Variants in HHIP observed in about 807,000 individuals in gnomAD.
HHIP encodes the protein hedgehog-interacting protein.
A neutral mutation model predicts 74.0 loss-of-function variants in HHIP; 12 were observed. The observed-to-expected ratio is 0.16, with a 90% confidence interval of 0.10 to 0.26. The LOEUF (loss-of-function observed/expected upper bound fraction) is 0.26. Ranked by LOEUF, HHIP falls within the 10% of genes least tolerant of loss-of-function variation. The pLI, the probability that HHIP is intolerant of heterozygous loss-of-function variation, is 1.00. For synonymous variants in HHIP, 309 were observed against 311.6 expected, an observed-to-expected ratio of 0.99 and a Z score of 0.09; for missense variants, 788 against 845.0, an observed-to-expected ratio of 0.93 and a Z score of 0.84.
chr4:144,661,085 T>G (rs190529939), intron 4 of HHIP, among the ~76,000 whole-genome samples: 1 of 152,166 alleles, frequency 6.6e-6, no homozygotes, highest in Non-Finnish European at 1.5e-5. Context: ...CTGGAAAATT[T>G]TTTATAACAA....
At chr4:144,726,085 C>T (rs768245330) in intron 11 of HHIP, among the ~76,000 whole-genome samples, 19 of 152,042 alleles carry the variant, frequency 1.2e-4, no homozygotes, top group Non-Finnish European at 2.2e-4. Flanking sequence ...TAAAGCAATA[C>T]TTGTGTTTAA....
chr4:144,679,028 C>A (rs987034106), intron 4 of HHIP, among the ~76,000 whole-genome samples: 1 of 152,224 alleles, frequency 6.6e-6, no homozygotes, highest in African/African-American at 2.4e-5. Context: ...TCTCCACATC[C>A]TCTCCAGCAT....
intron 12 of HHIP, among the ~76,000 whole-genome samples, chr4:144,735,966 T>C (rs1731104717): frequency 6.6e-6 from 1 of 152,140 alleles, no homozygotes; most frequent in Non-Finnish European, 1.5e-5. Context: ...ATTAAGTAAT[T>C]ACATTATTTA....
At chr4:144,719,948 G>C (rs923035528) in intron 11 of HHIP, among the ~76,000 whole-genome samples, 2 of 152,062 alleles carry the variant, frequency 1.3e-5, no homozygotes, top group Non-Finnish European at 1.5e-5. Context: ...ATGTTTTTCT[G>C]AGATTTTGTC....
chr4:144,702,778 CT>C (rs1220903929), intron 4 of HHIP, among the ~76,000 whole-genome samples: 2 of 152,080 alleles, frequency 1.3e-5, no homozygotes, highest in Non-Finnish European at 2.9e-5. Flanking sequence ...TCTAGCAATG[CT>C]GTCTGTGCAT....
chr4:144,676,502 C>T (rs1313666681), intron 4 of HHIP, among the ~76,000 whole-genome samples: 1 of 152,092 alleles, frequency 6.6e-6, no homozygotes, highest in Admixed American at 6.6e-5. Flanking sequence ...ATGGTTGTAA[C>T]CATTACAGCA....
intron 11 of HHIP, among the ~76,000 whole-genome samples, chr4:144,721,454 A>G (rs549362710): frequency 2.4e-4 from 36 of 152,264 alleles, no homozygotes; most frequent in African/African-American, 7.5e-4. Flanking sequence ...AAGTTACATA[A>G]TCATTTACAT....
rs1216879196 is a variant in HHIP, at chr4:144,745,110, C to T, written c.*7153C>T. On this transcript the variant is annotated 3_prime_UTR_variant, in exon 13 of 13. Coordinates refer to ENST00000296575, the MANE Select transcript of HHIP (RefSeq NM_022475.3). ...GCAGAGAATTGGTTTTATTGTTGAT[C>T]TGTGGATTTAATGATTTCTAGGTGA... is the stretch of plus-strand genomic sequence containing the variant. 1 of 152,050 alleles carries T rather than the reference C, an allele frequency of 6.6e-6. No homozygotes were observed. Among genetic ancestry groups the T allele is most frequent in the African/African-American group, 2.4e-5 (1 of 41,408 alleles). The allele number at this position is 152,050 out of a possible 1,614,324, so 9.4% of individuals were successfully genotyped here. A position where few individuals can be genotyped will look rare whatever the true frequency, so the allele number is the denominator to read the frequency against.
intron 4 of HHIP, among the ~76,000 whole-genome samples, chr4:144,681,456 C>T (rs1272283835): frequency 2.1e-5 from 3 of 141,292 alleles, no homozygotes; most frequent in East Asian, 2.1e-4. Flanking sequence ...GACAGAGTCT[C>T]GCTCCATCAC....
chr4:144,648,880 C>T (rs1053115282), intron 1 of HHIP: 1 of 152,058 alleles, frequency 6.6e-6, no homozygotes, highest in African/African-American at 2.4e-5. Context: ...TATATACATT[C>T]CTTTCTGTTT....
intron 4 of HHIP, chr4:144,685,585 T>C (rs1729463419): frequency 6.6e-6 from 1 of 152,202 alleles, no homozygotes; most frequent in South Asian, 2.1e-4. Flanking sequence ...CTTTTCTTGC[T>C]CTTGTACTTT....
rs149447192 is a variant in HHIP at position 144,724,768 on chromosome 4, G to T, written c.1760+5812G>T. Among the ~76,000 whole-genome samples the T allele has an allele frequency of 1.9e-3, 283 of 149,482 alleles. 2 individuals are homozygous for T. Among genetic ancestry groups the T allele is most frequent in the African/African-American group, 6.4e-3 (263 of 40,874 alleles). On this transcript the variant is annotated intron_variant, in intron 11 of 12. Coordinates refer to ENST00000296575, the MANE Select transcript of HHIP (RefSeq NM_022475.3). ...CCTGGAAATGTGACATATGACCACAGCATTCAAAGGAATTTTCTCTTTTAT... is the reference window on the plus strand; with the variant it reads ...CCTGGAAATGTGACATATGACCACATCATTCAAAGGAATTTTCTCTTTTAT...
Position 144,646,834 on chromosome 4 carries a change from G to T in HHIP, c.159G>T (p.Arg53Ser), listed in dbSNP as rs1443694929. Reference protein sequence around the residue: ...NPPKRLKRRDRRMMSQLELLS... With the variant: ...NPPKRLKRRDSRMMSQLELLS... Reference sequence around the variant, plus strand: ...CGAAGCGCCTGAAAAGGAGAGACAGGAGGATGATGTCCCAGCTGGAGCTGC... The same window carrying T: ...CGAAGCGCCTGAAAAGGAGAGACAGTAGGATGATGTCCCAGCTGGAGCTGC... The change falls in exon 1 of 13, where the codon AGG becomes AGT. Residue 53 changes from arginine (R) to serine (S), a missense_variant. Physicochemically the swap from Arg to Ser is moderately radical, Grantham distance 110 (BLOSUM62 -1). Transcript: ENST00000296575. 6.2e-7 allele frequency: 1 copy of T among 1,614,264 alleles called. No homozygotes were observed.
At chr4:144,734,583 A>T (rs1731053107) in intron 11 of HHIP, among the ~76,000 whole-genome samples, 158 bp from the exon 12 acceptor site, 1 of 151,388 alleles carries the variant, frequency 6.6e-6, no homozygotes, top group Admixed American at 6.6e-5. Flanking sequence ...TGTATTTCCT[A>T]TCCTTAGAAA....
intron 4 of HHIP, among the ~76,000 whole-genome samples, chr4:144,663,937 G>A (rs1728785677): frequency 6.6e-6 from 1 of 152,248 alleles, no homozygotes; most frequent in South Asian, 2.1e-4. Flanking sequence ...AGCTTTGCAT[G>A]TGTGTTAAAG....
At chr4:144,659,576 A>G (rs1232906075) in intron 3 of HHIP, 61 bp from the exon 4 acceptor site, 15 of 1,083,586 alleles carry the variant, frequency 1.4e-5, no homozygotes, top group Non-Finnish European at 1.6e-5. Context: ...AAGGATGCCA[A>G]GTGCATCCCT....
intron 2 of HHIP, among the ~76,000 whole-genome samples, chr4:144,655,526 A>G (rs1728534394): frequency 6.6e-6 from 1 of 152,192 alleles, no homozygotes; most frequent in African/African-American, 2.4e-5. Flanking sequence ...GCACACAATT[A>G]GTTCAATTGG....
chr4:144,744,648 A>T lies in HHIP; in HGVS notation c.*6691A>T, dbSNP rs1219835824. On this transcript the variant is annotated 3_prime_UTR_variant, in exon 13 of 13. Transcript: ENST00000296575. ...CTTATTTGATTTATTTAACCAAGTT[A>T]TTATAATATGCAGTTCTCTTTAATC... The T allele has an allele frequency of 1.3e-5, 2 of 152,228 alleles. No individual in the cohort carries two copies. The highest frequency in any genetic ancestry group is 2.4e-5 in the African/African-American group (1 of 41,456). 9.4% of individuals were successfully genotyped at this position (152,228 alleles called of 1,614,324 possible). A position where few individuals can be genotyped will look rare whatever the true frequency, so the allele number is the denominator to read the frequency against.
chr4:144,724,368 C>T (rs907365405), intron 11 of HHIP, among the ~76,000 whole-genome samples: 14 of 151,914 alleles, frequency 9.2e-5, no homozygotes, highest in Admixed American at 3.3e-4. Context: ...GCTTTTATTC[C>T]AAGTGCTGAC....
Sources: allele counts gnomAD v4.1 joint callset (sites outside exome capture counted in the v4.1 genomes callset), GRCh38; gene constraint gnomAD v4.1.1; transcripts MANE v1.5; gene names NCBI Gene and HGNC (gene_info 2026-07-23, HGNC 2026-07-21).